CDC42SE2: variants seen among roughly 807,000 people sequenced by gnomAD.
CDC42SE2 encodes CDC42 small effector 2.
Under a neutral mutation model 11.5 loss-of-function variants are expected in CDC42SE2, and 3 were observed. The ratio of observed to expected loss-of-function variants is 0.26; its 90% CI spans 0.12 to 0.67. The LOEUF (loss-of-function observed/expected upper bound fraction) is 0.67, where lower values mean the gene tolerates loss of function less well. Among genes scored for constraint, CDC42SE2 ranks in the 30% least tolerant of loss-of-function variants. The pLI is 0.80. For synonymous variants in CDC42SE2, 33 were observed against 34.8 expected (o/e 0.95, Z 0.18); for missense variants, 82 against 106.8 (o/e 0.77, Z 1.02).
At chr5:131,350,607 T>G (rs961371577) in intron 2 of CDC42SE2, among the ~76,000 whole-genome samples, 29 of 141,794 alleles carry the variant, frequency 2.0e-4, no homozygotes, top group South Asian at 1.5e-3. Context: ...AAAATTTATT[T>G]TGTGTGTGTG....
intron 2 of CDC42SE2, among the ~76,000 whole-genome samples, chr5:131,357,771 A>G (rs981017826): frequency 2.0e-5 from 3 of 152,182 alleles, no homozygotes; most frequent in Non-Finnish European, 1.5e-5. Context: ...TCTTGCAAAC[A>G]TTGTCTACAC....
intron 1 of CDC42SE2, among the ~76,000 whole-genome samples, chr5:131,248,059 G>A (rs980339338): frequency 2.6e-5 from 4 of 152,016 alleles, no homozygotes; most frequent in Non-Finnish European, 5.9e-5. Context: ...TCCTTAACTT[G>A]ATTAAGAGTA....
chr5:131,232,760 A>C, the CDC42SE2 span, among the ~76,000 whole-genome samples: 9 of 147,572 alleles, frequency 6.1e-5, no homozygotes, highest in East Asian at 1.9e-4. Context: ...AAAAAACAAA[A>C]CAGAAATATT....
chr5:131,213,061 A>T, the CDC42SE2 span, among the ~76,000 whole-genome samples: 1 of 152,132 alleles, frequency 6.6e-6, no homozygotes, highest in Non-Finnish European at 1.5e-5. Flanking sequence ...ATGGTGGTAC[A>T]TGCCTGTAAT....
At chr5:131,229,871 T>G in the CDC42SE2 span, among the ~76,000 whole-genome samples, 4 of 152,056 alleles carry the variant, frequency 2.6e-5, no homozygotes, top group Non-Finnish European at 4.4e-5. Flanking sequence ...CATATAGAGG[T>G]TGCAGTGAGT....
Position 131,362,873 on chromosome 5 carries a change from G to A in CDC42SE2, c.54+3326G>A, listed in dbSNP as rs539582363. 3.3e-5 allele frequency among the ~76,000 whole-genome samples: 5 copies of A among 152,192 alleles called. No homozygotes were observed. The East Asian group carries it at 5.8e-4, about 18-fold the overall frequency. ...TTAAAAAGATTTGTTAGGGCTGGGC[G>A]CAGTGGCTAACACCTGTAATCCTAG... On this transcript the variant is annotated intron_variant, in intron 3 of 4. Coordinates refer to ENST00000505065, the MANE Select transcript of CDC42SE2 (RefSeq NM_001375635.1).
At chr5:131,363,276 A>G (rs1749764265) in intron 3 of CDC42SE2, among the ~76,000 whole-genome samples, 1 of 152,068 alleles carries the variant, frequency 6.6e-6, no homozygotes, top group South Asian at 2.1e-4. Flanking sequence ...GAAAAAAAAA[A>G]AAAAGCCACT....
At chr5:131,387,060 G>A (rs149884267) in intron 4 of CDC42SE2, among the ~76,000 whole-genome samples, 166 of 152,306 alleles carry the variant, frequency 1.1e-3, no homozygotes, top group African/African-American at 3.8e-3. Flanking sequence ...GAGGTATCAT[G>A]TTGCTGTCAA....
At chr5:131,328,560 C>CT (rs1215854531) in intron 2 of CDC42SE2, among the ~76,000 whole-genome samples, 1 of 152,018 alleles carries the variant, frequency 6.6e-6, no homozygotes, top group Non-Finnish European at 1.5e-5. Flanking sequence ...CTACTTGATC[C>CT]TTTTTCATGG....
At chr5:131,334,544 C>G (rs1758506872) in intron 2 of CDC42SE2, among the ~76,000 whole-genome samples, 1 of 152,144 alleles carries the variant, frequency 6.6e-6, no homozygotes, top group South Asian at 2.1e-4. Flanking sequence ...GGAATGGTAA[C>G]AGTTCCTCCT....
At chr5:131,273,875 T>A (rs2149695766) in intron 1 of CDC42SE2, among the ~76,000 whole-genome samples, 1 of 152,018 alleles carries the variant, frequency 6.6e-6, no homozygotes, top group South Asian at 2.1e-4. Flanking sequence ...CCTCCCGGGC[T>A]CAGGTGATCC....
intron 2 of CDC42SE2, among the ~76,000 whole-genome samples, chr5:131,352,350 C>T (rs1183235696): frequency 6.6e-6 from 1 of 151,994 alleles, no homozygotes; most frequent in Non-Finnish European, 1.5e-5. Context: ...TAATGGAAAT[C>T]TACTTAGCAA....
At chr5:131,278,888 G>T (rs941002754) in intron 1 of CDC42SE2, among the ~76,000 whole-genome samples, 1 of 142,066 alleles carries the variant, frequency 7.0e-6, no homozygotes, top group Non-Finnish European at 1.5e-5. Flanking sequence ...AGGTTCAAGT[G>T]ATTCTCCTGC....
At chr5:131,303,745 C>CA (rs1410929383) in intron 1 of CDC42SE2, among the ~76,000 whole-genome samples, 1 of 152,208 alleles carries the variant, frequency 6.6e-6, no homozygotes, top group Non-Finnish European at 1.5e-5. Context: ...AGCCTGTACT[C>CA]ATTCATTGGA....
chr5:131,298,851 T>C (rs1757625836), intron 1 of CDC42SE2, among the ~76,000 whole-genome samples: 2 of 152,140 alleles, frequency 1.3e-5, no homozygotes, highest in East Asian at 1.9e-4. Context: ...TGGGACTAAG[T>C]TTCTCCCATT....
intron 1 of CDC42SE2, among the ~76,000 whole-genome samples, chr5:131,313,570 A>AG (rs1757976252): frequency 1.3e-5 from 2 of 152,136 alleles, no homozygotes; most frequent in Non-Finnish European, 2.9e-5. Context: ...TTTGTTGAGA[A>AG]AGCTATCCTT....
chr5:131,243,964 T>A (rs1756559763), upstream of CDC42SE2, among the ~76,000 whole-genome samples: 2 of 152,306 alleles, frequency 1.3e-5, no homozygotes, highest in Admixed American at 1.3e-4. Flanking sequence ...AACTCTCACT[T>A]TTTTCAGTGA....
At chr5:131,387,458 G>A (rs992831369) in intron 4 of CDC42SE2, among the ~76,000 whole-genome samples, 2 of 152,110 alleles carry the variant, frequency 1.3e-5, no homozygotes, top group Non-Finnish European at 2.9e-5. Flanking sequence ...GGCTGAGCGG[G>A]GAGGACTGCT....
the CDC42SE2 span, among the ~76,000 whole-genome samples, chr5:131,214,807 A>G: frequency 6.6e-6 from 1 of 152,188 alleles, no homozygotes; most frequent in Non-Finnish European, 1.5e-5. Context: ...GACCATTCCC[A>G]TCAGTGGGGC....
Sources: gnomAD v4.1 joint callset for allele counts (sites outside exome capture counted in the v4.1 genomes callset) on GRCh38, gnomAD v4.1.1 for gene constraint, MANE v1.5 for transcripts, NCBI Gene and HGNC (gene_info 2026-07-23, HGNC 2026-07-21) for gene names.